The following OSBPL10 variants were observed in gnomAD, a reference collection of about 807,000 sequenced individuals.
The protein encoded by OSBPL10 is oxysterol-binding protein-related protein 10.
Under a neutral mutation model 81.7 loss-of-function variants are expected in OSBPL10, and 49 were observed. The ratio of observed to expected loss-of-function variants is 0.60; its 90% CI spans 0.48 to 0.76. OSBPL10 has a LOEUF of 0.76. Among genes scored for constraint, OSBPL10 ranks in the 30% least tolerant of loss-of-function variants. The pLI is 0.00. For missense variants in OSBPL10, 923 were observed against 987.8 expected (o/e 0.93, Z 0.88); for synonymous variants, 419 against 383.6 (o/e 1.09, Z -1.08).
chr3:31,730,006 A>G (rs1273604849), intron 6 of OSBPL10, among the ~76,000 whole-genome samples: 1 of 152,218 alleles, frequency 6.6e-6, no homozygotes, highest in African/African-American at 2.4e-5. Flanking sequence ...AGTCTGGGAC[A>G]TGTAGCTGTT....
At chr3:31,852,575 T>TTTTG (rs10650722) in intron 3 of OSBPL10, among the ~76,000 whole-genome samples, 66,557 of 150,980 alleles carry the variant, frequency 0.44, 14,873 homozygotes, top group South Asian at 0.53. Flanking sequence ...TTTTTCCTTT[T>TTTTG]TTTGTTTGTT....
intron 2 of OSBPL10, among the ~76,000 whole-genome samples, chr3:32,010,053 G>A (rs1466688706): frequency 6.6e-6 from 1 of 152,142 alleles, no homozygotes; most frequent in Non-Finnish European, 1.5e-5. Flanking sequence ...TGTAACGGTA[G>A]GGCCCTAATC....
intron 4 of OSBPL10, among the ~76,000 whole-genome samples, chr3:31,773,901 C>T (rs1226538085): frequency 1.3e-5 from 2 of 152,160 alleles, no homozygotes; most frequent in Non-Finnish European, 2.9e-5. Context: ...TGGTGGCTCA[C>T]GCCTGTAATC....
chr3:31,936,042 TC>T (rs1436179253), intron 1 of OSBPL10, among the ~76,000 whole-genome samples: 2 of 152,134 alleles, frequency 1.3e-5, no homozygotes, highest in Admixed American at 6.5e-5. Flanking sequence ...CTCTTCACCA[TC>T]CCTTCTCAAC....
intron 2 of OSBPL10, among the ~76,000 whole-genome samples, chr3:32,016,786 G>A (rs555880004): frequency 1.3e-5 from 2 of 152,258 alleles, no homozygotes; most frequent in African/African-American, 4.8e-5. Context: ...GAATGCCAGA[G>A]AGTTTGGAGT....
intron 4 of OSBPL10, among the ~76,000 whole-genome samples, chr3:31,766,328 TGTTTTTTTGTTTTTTTTTG>T (rs1559455321): frequency 7.9e-6 from 1 of 127,000 alleles, no homozygotes. Flanking sequence ...GTAGTTTTTT[TGTTTTTTTGTTTTTTTTTG>T]TTTTTTTTTT....
intron 2 of OSBPL10, among the ~76,000 whole-genome samples, chr3:32,023,189 G>A (rs1699374424): frequency 6.6e-6 from 1 of 152,064 alleles, no homozygotes; most frequent in Admixed American, 6.6e-5. Flanking sequence ...TTGAATTGTA[G>A]CTCCCATAAT....
chr3:31,922,783 T>A (rs765575721), intron 1 of OSBPL10, among the ~76,000 whole-genome samples: 1 of 152,146 alleles, frequency 6.6e-6, no homozygotes. Flanking sequence ...TGGCTTCTTA[T>A]GTGGCTCCGT....
At chr3:31,854,763 C>T (rs998232234) in intron 3 of OSBPL10, among the ~76,000 whole-genome samples, 1 of 152,172 alleles carries the variant, frequency 6.6e-6, no homozygotes, top group African/African-American at 2.4e-5. Context: ...AACACATAAA[C>T]ACACATAATT....
intron 5 of OSBPL10, among the ~76,000 whole-genome samples, chr3:31,740,975 G>T (rs1439169841): frequency 6.6e-6 from 1 of 151,302 alleles, no homozygotes; most frequent in East Asian, 1.9e-4. Context: ...AAATCATAAG[G>T]AGACTAAGAG....
At chr3:31,951,166 T>TA (rs578054537) in intron 1 of OSBPL10, among the ~76,000 whole-genome samples, 115 of 151,166 alleles carry the variant, frequency 7.6e-4, no homozygotes, top group Middle Eastern at 3.4e-3. Context: ...ATCACCAGGA[T>TA]AAAAAATTTG....
chr3:31,745,155 G>A (rs1333676086), intron 5 of OSBPL10, among the ~76,000 whole-genome samples: 5 of 152,222 alleles, frequency 3.3e-5, no homozygotes, highest in African/African-American at 4.8e-5. Flanking sequence ...GTGAATACAC[G>A]CAAATCTCCT....
chr3:31,811,999 C>T (rs554884962), intron 4 of OSBPL10, among the ~76,000 whole-genome samples: 3 of 152,242 alleles, frequency 2.0e-5, no homozygotes, highest in African/African-American at 4.8e-5. Context: ...TCTCACCTGG[C>T]CAAGTTATTA....
chr3:31,699,755 C>T (rs756514306), intron 7 of OSBPL10, among the ~76,000 whole-genome samples: 3 of 152,194 alleles, frequency 2.0e-5, no homozygotes, highest in Admixed American at 6.5e-5. Flanking sequence ...GCACTATGTG[C>T]CCAGTTGGGC....
chr3:31,709,953 C>T (rs1377662747), intron 6 of OSBPL10, among the ~76,000 whole-genome samples: 1 of 152,178 alleles, frequency 6.6e-6, no homozygotes, highest in Non-Finnish European at 1.5e-5. Flanking sequence ...GAAAGCAAAG[C>T]TGTTTATGAT....
At chr3:31,864,867 C>T (rs1365686084) in intron 3 of OSBPL10, among the ~76,000 whole-genome samples, 2 of 152,054 alleles carry the variant, frequency 1.3e-5, no homozygotes, top group African/African-American at 2.4e-5. Flanking sequence ...ACTAAAGCCG[C>T]GTGTGAGATG....
intron 4 of OSBPL10, among the ~76,000 whole-genome samples, chr3:31,786,615 C>G (rs189415488): frequency 6.6e-6 from 1 of 152,140 alleles, no homozygotes; most frequent in Non-Finnish European, 1.5e-5. Context: ...GACCTCATGG[C>G]CTAATCACCT....
intron 6 of OSBPL10, among the ~76,000 whole-genome samples, chr3:31,728,347 T>C (rs1163786237): frequency 1.3e-5 from 2 of 152,196 alleles, no homozygotes; most frequent in Non-Finnish European, 2.9e-5. Context: ...TTAAAAACCC[T>C]CTGCTTAGTC....
chr3:31,819,620 G>A (rs1008719945), intron 4 of OSBPL10, among the ~76,000 whole-genome samples: 4 of 152,184 alleles, frequency 2.6e-5, no homozygotes, highest in Non-Finnish European at 4.4e-5. Flanking sequence ...CATGGCCTTG[G>A]CAGCCACTGC....
Sources: gnomAD v4.1 joint callset for allele counts (sites outside exome capture counted in the v4.1 genomes callset) on GRCh38, gnomAD v4.1.1 for gene constraint, MANE v1.5 for transcripts, NCBI Gene and HGNC (gene_info 2026-07-23, HGNC 2026-07-21) for gene names.